Variants in FAM149B1 observed in about 807,000 individuals in gnomAD.
FAM149B1 encodes the protein family with sequence similarity 149 member B1.
In FAM149B1, 56 loss-of-function variants were observed where a neutral mutation model predicts 75.3. That is an observed-to-expected ratio of 0.74 (90% CI 0.60 to 0.93). FAM149B1 has a LOEUF of 0.93. FAM149B1 is among the 40% of genes least tolerant of loss of function. The pLI is 0.00. For missense variants in FAM149B1, 639 were observed against 708.4 expected (o/e 0.90, Z 1.11); for synonymous variants, 259 against 256.1 (o/e 1.01, Z -0.11).
chr10:73,179,960 C>T lies in FAM149B1; in HGVS notation c.282+1985C>T, dbSNP rs982255014. ...GATACTTGGGTTTTCACGTTTTTTT[C>T]GTTCATTCCACAAATATTTATTGAG... On this transcript the variant is annotated intron_variant, in intron 3 of 13. Coordinates refer to ENST00000242505, the MANE Select transcript of FAM149B1 (RefSeq NM_173348.2). 4.6e-5 allele frequency among the ~76,000 whole-genome samples: 7 copies of T among 151,920 alleles called. No homozygotes were observed. The South Asian group carries it at 6.2e-4, about 14-fold the overall frequency.
intron 3 of FAM149B1, among the ~76,000 whole-genome samples, chr10:73,179,581 T>C (rs1317397001): frequency 6.8e-6 from 1 of 146,708 alleles, no homozygotes; most frequent in Non-Finnish European, 1.5e-5. Context: ...ACCCTGCTAT[T>C]TTTTTTTTTT....
intron 7 of FAM149B1, among the ~76,000 whole-genome samples, chr10:73,220,313 T>C (rs2043381824): frequency 6.6e-6 from 1 of 152,142 alleles, no homozygotes; most frequent in African/African-American, 2.4e-5. Flanking sequence ...CCCTCATACA[T>C]GGCAGTGGAA....
chr10:73,232,613 C>T (rs1288734322), intron 9 of FAM149B1, among the ~76,000 whole-genome samples: 2 of 152,184 alleles, frequency 1.3e-5, no homozygotes, highest in Non-Finnish European at 2.9e-5. Context: ...TTGGGAAGCA[C>T]TTTGGAGTAG....
intron 7 of FAM149B1, among the ~76,000 whole-genome samples, chr10:73,225,535 G>A (rs904977093): frequency 6.6e-6 from 1 of 152,164 alleles, no homozygotes; most frequent in African/African-American, 2.4e-5. Context: ...TGTGCCTTAA[G>A]CTGTTATTTC....
In FAM149B1 at chr10:73,210,410, A is replaced by G; in HGVS notation, c.870A>G (p.Thr290=). 6.5e-7 allele frequency: 1 copy of G among 1,543,660 alleles called. No individual in the cohort carries two copies. The highest frequency in any genetic ancestry group is 8.7e-7 in the Non-Finnish European group (1 of 1,144,574). The change falls in exon 7 of 14, where the codon ACA becomes ACG. Residue 290 remains threonine (T), a synonymous_variant. Coordinates refer to ENST00000242505, the MANE Select transcript of FAM149B1 (RefSeq NM_173348.2). The part of the protein sequence containing the change: ...CKVVSCMEQL[T]RSHWEGFASD... ...TTGTGAGCTGTATGGAGCAGTTGAC[A>G]CGTAGTCACTGGGAAGGATTTGCCT...
intron 1 of FAM149B1, 47 bp from the exon 2 acceptor site, chr10:73,174,640 A>G: frequency 1.5e-6 from 2 of 1,305,024 alleles, no homozygotes; most frequent in South Asian, 2.5e-5. Flanking sequence ...ATTGAATTGT[A>G]TGTATTTTTT....
chr10:73,181,070 G>A (rs1203781765), intron 3 of FAM149B1, among the ~76,000 whole-genome samples: 6 of 149,774 alleles, frequency 4.0e-5, no homozygotes, highest in African/African-American at 1.2e-4. Context: ...GCAGTGGCAC[G>A]ATCTCGGCTC....
At chr10:73,194,610 G>A (rs2042756330) in intron 5 of FAM149B1, among the ~76,000 whole-genome samples, 1 of 151,002 alleles carries the variant, frequency 6.6e-6, no homozygotes, top group East Asian at 2.0e-4. Context: ...TGATCCACCC[G>A]CCTCAGCCTC....
At chr10:73,178,061 C>T in intron 3 of FAM149B1, 86 bp downstream of exon 3, 3 of 1,280,950 alleles carry the variant, frequency 2.3e-6, no homozygotes, top group African/African-American at 1.5e-5. Context: ...TTCCTTCACT[C>T]TCCTGCATTG....
intron 5 of FAM149B1, among the ~76,000 whole-genome samples, chr10:73,204,205 A>G (rs1246126053): frequency 1.3e-5 from 2 of 151,908 alleles, no homozygotes; most frequent in Non-Finnish European, 2.9e-5. Flanking sequence ...GCTCACTGCA[A>G]CCTCCACCCC....
chr10:73,171,864 G>A (rs981087245), intron 1 of FAM149B1, among the ~76,000 whole-genome samples: 1 of 151,942 alleles, frequency 6.6e-6, no homozygotes, highest in African/African-American at 2.4e-5. Context: ...TCCTGACCTC[G>A]TGATCTGCCT....
At position 73,243,745 on chromosome 10, in the gene FAM149B1, A is replaced by T; in HGVS notation, c.*2726A>T. The T allele has an allele frequency of 8.2e-7, 1 of 1,214,274 alleles. No homozygotes were observed. Among genetic ancestry groups the T allele is most frequent in the Non-Finnish European group, 1.2e-6 (1 of 848,552 alleles). The allele number at this position is 1,214,274 out of a possible 1,614,324, so 75.2% of individuals were successfully genotyped here. On this transcript the variant is annotated 3_prime_UTR_variant, in exon 14 of 14. Coordinates refer to ENST00000242505, the MANE Select transcript of FAM149B1 (RefSeq NM_173348.2). Reference sequence around the variant, plus strand: ...AAGGACAAATAGAAGGTATGCGGTTATGTCTTAAAAGAAGAAAACAAAATA... The same window carrying T: ...AAGGACAAATAGAAGGTATGCGGTTTTGTCTTAAAAGAAGAAAACAAAATA...
chr10:73,169,675 GCTGGTCTCAAACTC>G (rs1843623603), intron 1 of FAM149B1, among the ~76,000 whole-genome samples: 1 of 152,074 alleles, frequency 6.6e-6, no homozygotes, highest in Non-Finnish European at 1.5e-5. Flanking sequence ...TGTTGCCCAG[GCTGGTCTCAAACTC>G]CTGGACTCAA....
At chr10:73,178,158 T>C (rs1181347929) in intron 3 of FAM149B1, among the ~76,000 whole-genome samples, 183 bp downstream of exon 3, 2 of 152,236 alleles carry the variant, frequency 1.3e-5, no homozygotes, top group Non-Finnish European at 2.9e-5. Context: ...TTTATTGATA[T>C]AGTAGTTGAG....
chr10:73,222,219 C>G (rs1046418114), intron 7 of FAM149B1, among the ~76,000 whole-genome samples: 1 of 152,156 alleles, frequency 6.6e-6, no homozygotes, highest in East Asian at 1.9e-4. Flanking sequence ...AAGTTACTTG[C>G]AAACAGTTTG....
chr10:73,212,430 A>G (rs1390818319), intron 7 of FAM149B1, among the ~76,000 whole-genome samples: 1 of 152,030 alleles, frequency 6.6e-6, no homozygotes, highest in Non-Finnish European at 1.5e-5. Context: ...ACAGGTGTGC[A>G]CCATCACGCC....
At chr10:73,210,095 T>C (rs80074224) in intron 6 of FAM149B1, among the ~76,000 whole-genome samples, 156 bp from the exon 7 acceptor site, 7,093 of 152,270 alleles carry the variant, frequency 0.047, 514 homozygotes, top group African/African-American at 0.15. Context: ...TTACTTCTAT[T>C]TTCTATTTAT....
chr10:73,241,033 A>T lies in FAM149B1; in HGVS notation c.*14A>T. 1 of 1,442,650 alleles carries T rather than the reference A, an allele frequency of 6.9e-7. No homozygotes were observed. The highest frequency in any genetic ancestry group is 9.5e-7 in the Non-Finnish European group (1 of 1,052,050). The allele number at this position is 1,442,650 out of a possible 1,614,324, so 89.4% of individuals were successfully genotyped here. A position where few individuals can be genotyped will look rare whatever the true frequency, so the allele number is the denominator to read the frequency against. On this transcript the variant is annotated 3_prime_UTR_variant, in exon 14 of 14. Transcript: ENST00000242505. ...CAGGGACCATAAGGCAAATGAGAAG[A>T]ATCTATCAGGCTGCAGGAAACACGA... is the stretch of plus-strand genomic sequence containing the variant.
At position 73,182,420 on chromosome 10, in the gene FAM149B1, C is replaced by T. The variant is rs1248838103; in HGVS notation, c.282+4445C>T. Among the ~76,000 whole-genome samples the T allele has an allele frequency of 3.3e-5, 5 of 152,060 alleles. 1 individual carries two copies. Among genetic ancestry groups the T allele is most frequent in the African/African-American group, 1.2e-4 (5 of 41,392 alleles). On this transcript the variant is annotated intron_variant, in intron 3 of 13. Coordinates refer to ENST00000242505, the MANE Select transcript of FAM149B1 (RefSeq NM_173348.2). ...AGAGACGGGGTTCTGCCTTGTTGGC[C>T]AGGCTGGTCTCGAACTCCTGACCTC...
Sources: gnomAD v4.1 joint callset for allele counts (sites outside exome capture counted in the v4.1 genomes callset) on GRCh38, gnomAD v4.1.1 for gene constraint, MANE v1.5 for transcripts, NCBI Gene and HGNC (gene_info 2026-07-23, HGNC 2026-07-21) for gene names.